Variants in LYPD6B observed in about 807,000 individuals in gnomAD.
The protein encoded by LYPD6B is ly6/PLAUR domain-containing protein 6B.
LYPD6B carries 17 observed loss-of-function variants against 22.8 expected under a neutral mutation model. The observed-to-expected ratio is 0.75, with a 90% confidence interval of 0.51 to 1.12. LYPD6B has a LOEUF of 1.12. Among genes scored for constraint, LYPD6B ranks in the 50% most tolerant of loss-of-function variants. The pLI is 0.00. For missense variants in LYPD6B, 221 were observed against 258.3 expected, an observed-to-expected ratio of 0.86 and a Z score of 0.99; for synonymous variants, 106 against 91.6, an observed-to-expected ratio of 1.16 and a Z score of -0.90.
chr2:149,119,411 G>A (rs1473145140), intron 1 of LYPD6B, among the ~76,000 whole-genome samples: 1 of 152,174 alleles, frequency 6.6e-6, no homozygotes, highest in African/African-American at 2.4e-5. Flanking sequence ...TCTTCCACAC[G>A]AAGACATTGT....
chr2:149,177,306 T>C (rs1169934891), intron 3 of LYPD6B, among the ~76,000 whole-genome samples: 3 of 152,210 alleles, frequency 2.0e-5, no homozygotes, highest in African/African-American at 7.2e-5. Flanking sequence ...CATTGTTGGA[T>C]CTCTGTTTCC....
chr2:149,070,131 C>T (rs367558485), intron 1 of LYPD6B, among the ~76,000 whole-genome samples: 11 of 152,102 alleles, frequency 7.2e-5, no homozygotes, highest in African/African-American at 1.9e-4. Flanking sequence ...TCTCTTGGGG[C>T]GTATTCCTTC....
At chr2:149,205,056 G>A in intron 3 of LYPD6B, 197 bp from the exon 4 acceptor site, 1 of 566,494 alleles carries the variant, frequency 1.8e-6, no homozygotes. Context: ...TAGTGCAGAG[G>A]CCTGACCAGT....
rs57032965 is a variant in LYPD6B at position 149,101,046 on chromosome 2, CTTG to C, written c.-66-29832_-66-29830del. 5.0e-3 allele frequency: 767 copies of C among 152,356 alleles called. 5 individuals carry two copies. The highest frequency in any genetic ancestry group is 0.022 in the East Asian group (116 of 5,184). 9.4% of individuals were successfully genotyped at this position (152,356 alleles called of 1,614,324 possible). A position where few individuals can be genotyped will look rare whatever the true frequency, so the allele number is the denominator to read the frequency against. On this transcript the variant is annotated intron_variant, in intron 1 of 6. Transcript: ENST00000409642. ...TGCGTTTACTTAAACAATAGACCCT[CTTG>C]TTGTCAGTTCTGCTGCTTTCAATAA... is the stretch of plus-strand genomic sequence containing the variant.
At chr2:149,092,137 G>T (rs780031552) in intron 1 of LYPD6B, among the ~76,000 whole-genome samples, 14 of 152,082 alleles carry the variant, frequency 9.2e-5, no homozygotes, top group Non-Finnish European at 1.9e-4. Flanking sequence ...AGGGCGGAGA[G>T]TGAGAAAGCT....
chr2:149,120,717 C>A (rs1048833324), intron 1 of LYPD6B, among the ~76,000 whole-genome samples: 9 of 149,628 alleles, frequency 6.0e-5, no homozygotes, highest in Non-Finnish European at 1.3e-4. Context: ...AATTCTGATG[C>A]ACGTCCAAAT....
At chr2:149,145,304 G>A (rs1482400158) in intron 2 of LYPD6B, among the ~76,000 whole-genome samples, 6 of 152,250 alleles carry the variant, frequency 3.9e-5, no homozygotes, top group Middle Eastern at 3.4e-3. Flanking sequence ...GTGCTTGGAC[G>A]ATACATGCAG....
chr2:149,108,546 G>A (rs1418547705), intron 1 of LYPD6B, among the ~76,000 whole-genome samples: 1 of 152,116 alleles, frequency 6.6e-6, no homozygotes, highest in African/African-American at 2.4e-5. Context: ...ACAGAATTGT[G>A]AATCTTTTAC....
At chr2:149,055,105 A>T (rs1683730538) in intron 1 of LYPD6B, among the ~76,000 whole-genome samples, 1 of 152,144 alleles carries the variant, frequency 6.6e-6, no homozygotes, top group Non-Finnish European at 1.5e-5. Context: ...ATTCTGTTGC[A>T]TGTGGCTTCC....
In LYPD6B at chr2:149,172,092, A is replaced by G. The variant is rs926079874; in HGVS notation, c.77+11257A>G. On this transcript the variant is annotated intron_variant, in intron 3 of 6. Transcript: ENST00000409642. ...GACTCACAGTTCAGCATGGCTGGGG[A>G]GGCCTCAGGAAACTTACAATCATGG... Among the ~76,000 whole-genome samples the G allele has an allele frequency of 4.6e-5, 7 of 152,164 alleles. 1 individual carries two copies. The highest frequency in any genetic ancestry group is 1.3e-4 in the Admixed American group (2 of 15,268).
intron 3 of LYPD6B, chr2:149,200,827 A>G (rs1473895150): frequency 6.6e-6 from 1 of 152,192 alleles, no homozygotes; most frequent in Non-Finnish European, 1.5e-5. Context: ...CTGTATCCCT[A>G]TAAATATGCC....
In LYPD6B at chr2:149,142,665, T is replaced by TA. The variant is rs992372872; in HGVS notation, c.5+11722dup. ...ACAACTTTTTCTTATCTCCTGTCTT[T>TA]AAAAAAAAAAGTTTTAATTTTAGAG... On this transcript the variant is annotated intron_variant, in intron 2 of 6. Transcript: ENST00000409642. Among the ~76,000 whole-genome samples, 10 of 149,196 alleles carry TA rather than the reference T, an allele frequency of 6.7e-5. No individual in the cohort carries two copies. The South Asian group carries it at 1.1e-3, about 16-fold the overall frequency.
At chr2:149,080,853 A>C (rs1685093560) in intron 1 of LYPD6B, among the ~76,000 whole-genome samples, 1 of 132,550 alleles carries the variant, frequency 7.5e-6, no homozygotes. Context: ...AAAAAAAAAA[A>C]AAAAAAAAAA....
At chr2:149,189,367 T>TATATATATATACATAC (rs1290881582) in intron 3 of LYPD6B, among the ~76,000 whole-genome samples, 2 of 81,064 alleles carry the variant, frequency 2.5e-5, no homozygotes, top group Non-Finnish European at 5.4e-5. Flanking sequence ...TATATATATA[T>TATATATATATACATAC]ACACACACAT....
At chr2:149,210,973 G>C (rs185454186) in intron 5 of LYPD6B, among the ~76,000 whole-genome samples, 84 of 152,320 alleles carry the variant, frequency 5.5e-4, no homozygotes, top group African/African-American at 2.0e-3. Context: ...GGTTCCATAG[G>C]CTGTTCAGGA....
At chr2:149,092,410 G>T (rs1201592802) in intron 1 of LYPD6B, among the ~76,000 whole-genome samples, 1 of 152,172 alleles carries the variant, frequency 6.6e-6, no homozygotes, top group East Asian at 1.9e-4. Flanking sequence ...ATGTGGAAGT[G>T]ACTAGGCGAT....
chr2:149,082,112 C>T (rs1014300714), intron 1 of LYPD6B, among the ~76,000 whole-genome samples: 2 of 152,204 alleles, frequency 1.3e-5, no homozygotes, highest in African/African-American at 2.4e-5. Flanking sequence ...TTGCAGGTTT[C>T]CCCACCCCAC....
chr2:149,196,848 A>T (rs1399411685), intron 3 of LYPD6B, among the ~76,000 whole-genome samples: 2 of 152,230 alleles, frequency 1.3e-5, no homozygotes, highest in Admixed American at 1.3e-4. Context: ...GAAGTCAAAA[A>T]GTGCTAGCCA....
At chr2:149,187,470 C>A (rs1326175232) in intron 3 of LYPD6B, 6 of 1,519,048 alleles carry the variant, frequency 3.9e-6, no homozygotes, top group East Asian at 5.1e-5. Flanking sequence ...CACAGTAAAC[C>A]AAACAAAGGA....
Sources: gnomAD v4.1 joint callset for allele counts (sites outside exome capture counted in the v4.1 genomes callset) on GRCh38, gnomAD v4.1.1 for gene constraint, MANE v1.5 for transcripts, NCBI Gene and HGNC (gene_info 2026-07-23, HGNC 2026-07-21) for gene names.